Variants in HIVEP1 observed in about 807,000 individuals in gnomAD.
HIVEP1 encodes HIVEP zinc finger 1.
Under a neutral mutation model 180.0 loss-of-function variants are expected in HIVEP1, and 36 were observed. That is an observed-to-expected ratio of 0.20 (90% CI 0.15 to 0.26). HIVEP1 has a LOEUF of 0.26. Among genes scored for constraint, HIVEP1 ranks in the 10% least tolerant of loss-of-function variants. The probability of loss-of-function intolerance (pLI) is 1.00; values close to 1 mark genes in which losing one functional copy is unlikely to be tolerated. For synonymous variants in HIVEP1, 1,239 were observed against 1,239.0 expected (o/e 1.00, Z 0.00); for missense variants, 3,143 against 3,268.7 (o/e 0.96, Z 0.94).
Position 12,123,076 on chromosome 6 carries a change from A to G in HIVEP1, c.3281A>G (p.His1094Arg), listed in dbSNP as rs1561968183. The G allele has an allele frequency of 6.2e-7, 1 of 1,614,126 alleles. No individual in the cohort carries two copies. Among genetic ancestry groups the G allele is most frequent in the Non-Finnish European group, 8.5e-7 (1 of 1,180,010 alleles). The part of the protein sequence containing the change: ...KNIQLQNSHI[H>R]LVARGPEQTM... ...ATACAGTTGCAAAACTCCCATATTCACCTTGTTGCCAGGGGCCCTGAGCAG... is the reference window on the plus strand; with the variant it reads ...ATACAGTTGCAAAACTCCCATATTCGCCTTGTTGCCAGGGGCCCTGAGCAG... The change falls in exon 4 of 9, where the codon CAC (histidine) becomes CGC (arginine). Residue 1094 changes from histidine (H) to arginine (R), a missense_variant. Physicochemically the swap from His to Arg is conservative, Grantham distance 29. This residue lies in a region of HIVEP1 where 1,357 missense variants were observed against 1,260.5 expected (regional missense o/e 1.08). Coordinates refer to ENST00000379388, the MANE Select transcript of HIVEP1 (RefSeq NM_002114.4).
chr6:12,126,398 T>C (rs1758071114), intron 4 of HIVEP1, among the ~76,000 whole-genome samples: 1 of 152,198 alleles, frequency 6.6e-6, no homozygotes, highest in Non-Finnish European at 1.5e-5. Flanking sequence ...GTGAGAACCA[T>C]TAGCACTAGA....
chr6:12,141,419 G>C (rs1759017949), intron 7 of HIVEP1, among the ~76,000 whole-genome samples: 1 of 151,992 alleles, frequency 6.6e-6, no homozygotes, highest in Admixed American at 6.6e-5. Flanking sequence ...GCAAAAACAT[G>C]CCAAATTGTA....
At chr6:12,113,200 G>A (rs1044038642) in intron 3 of HIVEP1, among the ~76,000 whole-genome samples, 1 of 150,496 alleles carries the variant, frequency 6.6e-6, no homozygotes, top group Non-Finnish European at 1.5e-5. Flanking sequence ...AGGCAAACAG[G>A]GCATTCTAGA....
the HIVEP1 span, among the ~76,000 whole-genome samples, chr6:12,170,340 T>C: frequency 6.6e-6 from 1 of 151,722 alleles, no homozygotes; most frequent in East Asian, 1.9e-4. Context: ...CATTTAAATA[T>C]GGCCTTGAAG....
chr6:12,170,771 G>A, the HIVEP1 span, among the ~76,000 whole-genome samples: 50 of 152,284 alleles, frequency 3.3e-4, no homozygotes, highest in African/African-American at 1.2e-3. Flanking sequence ...AAAGGAGCAC[G>A]GGCTGTGGAC....
At chr6:12,140,212 G>C (rs1758940468) in intron 7 of HIVEP1, among the ~76,000 whole-genome samples, 1 of 152,222 alleles carries the variant, frequency 6.6e-6, no homozygotes, top group African/African-American at 2.4e-5. Context: ...GTGATACCCA[G>C]GCATACAGGG....
chr6:12,126,012 GTGA>G, intron 4 of HIVEP1, 142 bp downstream of exon 4: 1 of 612,912 alleles, frequency 1.6e-6, no homozygotes. Flanking sequence ...GAAAGACAGG[GTGA>G]TATATTTACC....
intron 2 of HIVEP1, among the ~76,000 whole-genome samples, chr6:12,067,675 G>C (rs529402079): frequency 1.9e-4 from 29 of 152,232 alleles, no homozygotes; most frequent in African/African-American, 6.7e-4. Flanking sequence ...GGACAGTGGT[G>C]AGCAACTCCT....
At chr6:12,094,883 C>A (rs1212971447) in intron 3 of HIVEP1, among the ~76,000 whole-genome samples, 1 of 152,018 alleles carries the variant, frequency 6.6e-6, no homozygotes, top group African/African-American at 2.4e-5. Context: ...GCAAGTCTTA[C>A]AACATATTTT....
At chr6:12,041,861 G>C (rs546617883) in intron 2 of HIVEP1, among the ~76,000 whole-genome samples, 1 of 151,772 alleles carries the variant, frequency 6.6e-6, no homozygotes, top group South Asian at 2.1e-4. Flanking sequence ...GGTTTTCACC[G>C]TGTTAGCTAG....
At chr6:12,182,739 A>C in the HIVEP1 span, among the ~76,000 whole-genome samples, 1 of 152,184 alleles carries the variant, frequency 6.6e-6, no homozygotes, top group Non-Finnish European at 1.5e-5. Flanking sequence ...CCATGCCTGC[A>C]TCAAAAGAGT....
chr6:12,165,673 A>G (rs1167766964), downstream of HIVEP1, among the ~76,000 whole-genome samples: 5 of 152,238 alleles, frequency 3.3e-5, no homozygotes, highest in East Asian at 1.9e-4. Flanking sequence ...TGAGAAAAGT[A>G]TTTTAATGTT....
chr6:12,046,089 A>G (rs1383237072), intron 2 of HIVEP1, among the ~76,000 whole-genome samples: 2 of 152,254 alleles, frequency 1.3e-5, no homozygotes, highest in East Asian at 3.8e-4. Context: ...ATTTTTAAAT[A>G]ATTTTAGCAA....
chr6:12,037,323 A>G (rs1581545358), intron 2 of HIVEP1, among the ~76,000 whole-genome samples: 1 of 152,296 alleles, frequency 6.6e-6, no homozygotes, highest in East Asian at 1.9e-4. Flanking sequence ...TTGCCTGGCT[A>G]TTTAGTAAAC....
chr6:12,112,815 C>A (rs1021312956), intron 3 of HIVEP1, among the ~76,000 whole-genome samples: 2 of 152,158 alleles, frequency 1.3e-5, no homozygotes, highest in African/African-American at 4.8e-5. Context: ...TTTCCAGCCC[C>A]TCCCCCATGG....
chr6:12,181,066 A>G, the HIVEP1 span, among the ~76,000 whole-genome samples: 1 of 152,172 alleles, frequency 6.6e-6, no homozygotes, highest in Non-Finnish European at 1.5e-5. Context: ...AACTTAAGCA[A>G]AATTTTTTTT....
rs746190931 is a variant in HIVEP1 at position 12,123,858 on chromosome 6, A to G, written c.4063A>G (p.Asn1355Asp). 6.2e-7 allele frequency: 1 copy of G among 1,614,148 alleles called. No individual in the cohort carries two copies. Among genetic ancestry groups the G allele is most frequent in the South Asian group, 1.1e-5 (1 of 91,074 alleles). Residue 1355 changes from asparagine to aspartate, a missense_variant, in exon 4 of 9, where the codon AAT becomes GAT. Coordinates refer to ENST00000379388, the MANE Select transcript of HIVEP1 (RefSeq NM_002114.4). ...GATTCCAGCTGGCTTGAATACTCTG[A>G]ATGTTCCTGGATGTCACCGGGAAAT... The part of the protein sequence containing the change: ...LMIPAGLNTL[N>D]VPGCHREMRR...
At chr6:12,131,733 T>C (rs566123865) in intron 6 of HIVEP1, among the ~76,000 whole-genome samples, 30 of 135,560 alleles carry the variant, frequency 2.2e-4, no homozygotes, top group African/African-American at 7.9e-4. Context: ...CAAAGATCTC[T>C]CTTTAACAAA....
intron 7 of HIVEP1, among the ~76,000 whole-genome samples, chr6:12,155,349 C>G (rs1008997980): frequency 6.6e-6 from 1 of 151,958 alleles, no homozygotes; most frequent in Admixed American, 6.6e-5. Flanking sequence ...CTGCACAAAC[C>G]ATCTCATCAT....
Sources: gnomAD v4.1 joint callset for allele counts (sites outside exome capture counted in the v4.1 genomes callset) on GRCh38, gnomAD v4.1.1 for gene constraint, gnomAD v4.1.1 regional missense constraint, MANE v1.5 for transcripts, NCBI Gene and HGNC (gene_info 2026-07-23, HGNC 2026-07-21) for gene names.